The following RPS6KB1 variants were observed in gnomAD, a reference collection of about 807,000 sequenced individuals.
RPS6KB1 encodes ribosomal protein S6 kinase beta-1.
A neutral mutation model predicts 70.2 loss-of-function variants in RPS6KB1; 12 were observed. The observed-to-expected ratio is 0.17, with a 90% CI of 0.11 to 0.28. The LOEUF is 0.28. Ranked by LOEUF, RPS6KB1 falls within the 10% of genes least tolerant of loss-of-function variation. RPS6KB1 has a pLI of 1.00. For synonymous variants in RPS6KB1, 175 were observed against 211.2 expected (o/e 0.83, Z 1.49); for missense variants, 270 against 646.6 (o/e 0.42, Z 6.32).
intron 4 of RPS6KB1, among the ~76,000 whole-genome samples, chr17:59,923,851 A>G (rs913841148): frequency 1.1e-4 from 17 of 152,030 alleles, no homozygotes; most frequent in Non-Finnish European, 2.4e-4. Context: ...TTTTTTCTAC[A>G]GTGAGAAGAA....
chr17:59,928,757 C>T (rs2043769447), intron 5 of RPS6KB1, among the ~76,000 whole-genome samples: 2 of 152,172 alleles, frequency 1.3e-5, no homozygotes, highest in South Asian at 4.1e-4. Context: ...TTCTTAGTTT[C>T]CTTTAATCTG....
chr17:59,936,595 C>T, intron 12 of RPS6KB1, 54 bp downstream of exon 12: 3 of 1,464,972 alleles, frequency 2.0e-6, no homozygotes, highest in Non-Finnish European at 9.6e-7. Context: ...CCTGTAATCC[C>T]CAAACTTTAA....
At chr17:59,918,080 T>A (rs2043061110) in intron 4 of RPS6KB1, among the ~76,000 whole-genome samples, 1 of 150,722 alleles carries the variant, frequency 6.6e-6, no homozygotes. Context: ...ATTACAGGCA[T>A]GTGCCACCAT....
At chr17:59,915,793 T>TA (rs1568429870) in intron 4 of RPS6KB1, among the ~76,000 whole-genome samples, 19 of 131,736 alleles carry the variant, frequency 1.4e-4, no homozygotes, top group Non-Finnish European at 2.3e-4. Flanking sequence ...TTTTTTTTTT[T>TA]TTTTTTATTG....
intron 4 of RPS6KB1, among the ~76,000 whole-genome samples, chr17:59,921,509 A>C (rs979702138): frequency 6.6e-6 from 1 of 152,124 alleles, no homozygotes; most frequent in Non-Finnish European, 1.5e-5. Context: ...AACCCCTCTG[A>C]CCTGAGTGTG....
At position 59,893,844 on chromosome 17, in the gene RPS6KB1, A is replaced by G; in HGVS notation, c.141+519A>G. The G allele has an allele frequency of 1.0e-6, 1 of 985,320 alleles. No homozygotes were observed. The highest frequency in any genetic ancestry group is 1.2e-6 in the Non-Finnish European group (1 of 829,858). 61.0% of individuals were successfully genotyped at this position (985,320 alleles called of 1,614,324 possible). ...ACAGCTGAAAACTTCTGTCGGGAGTAGCACTGCCGCTGCTGTTACAGCCAC... is the reference window on the plus strand; with the variant it reads ...ACAGCTGAAAACTTCTGTCGGGAGTGGCACTGCCGCTGCTGTTACAGCCAC... On this transcript the variant is annotated intron_variant, in intron 1 of 14. Transcript: ENST00000225577. This position sits in a 1 kb window ranked among gnomAD's most constrained non-coding sequence, Gnocchi z 4.1.
chr17:59,942,575 A>G (rs1029721603), intron 13 of RPS6KB1, among the ~76,000 whole-genome samples: 1 of 151,888 alleles, frequency 6.6e-6, no homozygotes, highest in Non-Finnish European at 1.5e-5. Flanking sequence ...GAATATGGGG[A>G]AAATAATTGT....
At position 59,949,045 on chromosome 17, in the gene RPS6KB1, C is replaced by T. The variant is rs1372942727; in HGVS notation, c.*2257C>T. 2.0e-5 allele frequency: 3 copies of T among 152,578 alleles called. No individual in the cohort carries two copies. Among genetic ancestry groups the T allele is most frequent in the African/African-American group, 7.2e-5 (3 of 41,448 alleles). The allele number at this position is 152,578 out of a possible 1,614,324, so 9.5% of individuals were successfully genotyped here. ...CTGGCTATAACCACCCCAGTTAAAC[C>T]ATTTTCATAATTAGTAGTGCCAGCA... On this transcript the variant is annotated 3_prime_UTR_variant, in exon 15 of 15. Coordinates refer to ENST00000225577, the MANE Select transcript of RPS6KB1 (RefSeq NM_003161.4).
At chr17:59,896,474 C>T (rs887494896) in intron 1 of RPS6KB1, among the ~76,000 whole-genome samples, 6 of 152,098 alleles carry the variant, frequency 3.9e-5, no homozygotes, top group African/African-American at 1.4e-4. Flanking sequence ...TGTGAGCCAC[C>T]GCACCCAGCC....
intron 12 of RPS6KB1, among the ~76,000 whole-genome samples, chr17:59,939,146 G>T (rs1294432735): frequency 6.6e-6 from 1 of 151,994 alleles, no homozygotes; most frequent in East Asian, 1.9e-4. Context: ...TAATGAATTA[G>T]TTCCCTAGCA....
chr17:59,899,791 G>A (rs915807882), intron 1 of RPS6KB1, among the ~76,000 whole-genome samples: 3 of 151,940 alleles, frequency 2.0e-5, no homozygotes, highest in Admixed American at 1.3e-4. Flanking sequence ...ACATGTTATC[G>A]TGATTTGGTC....
Position 59,893,159 on chromosome 17 carries a change from G to A in RPS6KB1, c.-26G>A. 1.9e-6 allele frequency: 3 copies of A among 1,601,546 alleles called. No homozygotes were observed. The highest frequency in any genetic ancestry group is 2.2e-5 in the South Asian group (2 of 89,382). The stretch of plus-strand genomic sequence containing the variant: ...GCAGCCGGTGATGGCGGCAGCGGCT[G>A]TGGTGGCTGCGGCGGGTCCGGGCCC... On this transcript the variant is annotated 5_prime_UTR_variant, in exon 1 of 15. In the 5' UTR this introduces an upstream ATG that the reference lacks. Transcript: ENST00000225577. This position sits in a 1 kb window ranked among gnomAD's most constrained non-coding sequence, Gnocchi z 4.1.
Position 59,946,287 on chromosome 17 carries a change from T to C in RPS6KB1, c.1341-264T>C, listed in dbSNP as rs1019363976. Among the ~76,000 whole-genome samples the C allele has an allele frequency of 1.3e-5, 2 of 152,160 alleles. No homozygotes were observed. The highest frequency in any genetic ancestry group is 2.4e-5 in the African/African-American group (1 of 41,438). On this transcript the variant is annotated intron_variant, in intron 14 of 14. Transcript: ENST00000225577. This position sits in a 1 kb window ranked among gnomAD's most constrained non-coding sequence, Gnocchi z 4.2. Reference sequence around the variant, plus strand: ...GAGCAGGGGAGAGTAAAATGATATATATAATACGCATTTAAATGTATATAT... The same window carrying C: ...GAGCAGGGGAGAGTAAAATGATATACATAATACGCATTTAAATGTATATAT...
rs71145590 is a variant in RPS6KB1, at chr17:59,922,551, C to CTTTT, written c.382-3862_382-3859dup. Among the ~76,000 whole-genome samples the CTTTT allele has an allele frequency of 1.8e-3, 142 of 80,432 alleles. 8 individuals carry two copies. Among genetic ancestry groups the CTTTT allele is most frequent in the African/African-American group, 3.6e-3 (62 of 17,144 alleles). 52.8% of individuals were successfully genotyped at this position (80,432 alleles called of 152,430 possible). On this transcript the variant is annotated intron_variant, in intron 4 of 14. Transcript: ENST00000225577. ...AGTCTGTAAAGATTTTTTTATACTC[C>CTTTT]TTTTTTTTTTTTTTTTTTTTTTTTT...
In RPS6KB1 at chr17:59,908,391, G is replaced by A. The variant is rs144861791; in HGVS notation, c.142-2171G>A. The stretch of plus-strand genomic sequence containing the variant: ...TATTTTTGTATTTTTAGTAGAGACG[G>A]GGTTTCACCATGTTGGCCAGGATGG... On this transcript the variant is annotated intron_variant, in intron 1 of 14. Coordinates refer to ENST00000225577, the MANE Select transcript of RPS6KB1 (RefSeq NM_003161.4). Among the ~76,000 whole-genome samples the A allele has an allele frequency of 4.3e-3, 649 of 151,600 alleles. 6 individuals are homozygous for A. The highest frequency in any genetic ancestry group is 0.015 in the African/African-American group (624 of 41,344).
chr17:59,908,214 A>G (rs2042381524), intron 1 of RPS6KB1, among the ~76,000 whole-genome samples: 1 of 149,320 alleles, frequency 6.7e-6, no homozygotes, highest in African/African-American at 2.5e-5. Context: ...TTTTTTTGAG[A>G]TGGAGTCTCA....
At chr17:59,933,079 CT>C (rs2044028721) in intron 7 of RPS6KB1, among the ~76,000 whole-genome samples, 1 of 152,140 alleles carries the variant, frequency 6.6e-6, no homozygotes, top group Non-Finnish European at 1.5e-5. Flanking sequence ...GTGGTAGCAG[CT>C]GCTAATCCTT....
intron 4 of RPS6KB1, 26 bp from the exon 5 acceptor site, chr17:59,926,409 C>T: frequency 6.6e-7 from 1 of 1,518,100 alleles, no homozygotes; most frequent in Non-Finnish European, 9.0e-7. Context: ...CTATTTTGTT[C>T]TTATAGATGA....
chr17:59,898,005 A>C (rs2041671017), intron 1 of RPS6KB1, among the ~76,000 whole-genome samples: 1 of 151,428 alleles, frequency 6.6e-6, no homozygotes. Context: ...ATCTCAGAGG[A>C]ATATAATCAA....
Sources: allele counts gnomAD v4.1 joint callset (sites outside exome capture counted in the v4.1 genomes callset), GRCh38; gene constraint gnomAD v4.1.1; non-coding constraint Gnocchi (gnomAD v3.1); transcripts MANE v1.5; gene names NCBI Gene and HGNC (gene_info 2026-07-23, HGNC 2026-07-21).